CYB561D1: variants seen among roughly 807,000 people sequenced by gnomAD.
CYB561D1 encodes probable transmembrane reductase CYB561D1.
In CYB561D1, 15 loss-of-function variants were observed where a neutral mutation model predicts 19.2. The ratio of observed to expected loss-of-function variants is 0.78; its 90% CI spans 0.52 to 1.20. The LOEUF is 1.20. Ranked by LOEUF, CYB561D1 falls within the 50% of genes most tolerant of loss-of-function variation. The pLI, the probability that CYB561D1 is intolerant of heterozygous loss-of-function variation, is 0.00. For synonymous variants in CYB561D1, 133 were observed against 120.6 expected (o/e 1.10, Z -0.68); for missense variants, 297 against 287.3 (o/e 1.03, Z -0.24).
Position 109,495,175 on chromosome 1 carries a change from T to G in CYB561D1, c.181T>G (p.Leu61Val), listed in dbSNP as rs1571107490. The G allele has an allele frequency of 1.2e-6, 2 of 1,614,242 alleles. No homozygotes were observed. Among genetic ancestry groups the G allele is most frequent in the Non-Finnish European group, 1.7e-6 (2 of 1,180,036 alleles). The change falls in exon 2 of 3, where the codon TTG becomes GTG. Residue 61 changes from leucine to valine, a missense_variant. Transcript: ENST00000420578. The stretch of plus-strand genomic sequence containing the variant: ...CTCCTGGCACCCTGTATTCATGGCC[T>G]TGGCGGTGAGTTTAGGCTTCTATCT... ...LFSWHPVFMALAFCLCMAEAI... is the reference protein window; with the variant it reads ...LFSWHPVFMAVAFCLCMAEAI...
chr1:109,495,087 C>T (rs45448998), intron 1 of CYB561D1, 56 bp from the exon 2 acceptor site: 75,775 of 1,595,904 alleles, frequency 0.047, 2,028 homozygotes, highest in Middle Eastern at 0.073. Flanking sequence ...TTCCACCTAG[C>T]TACAGGGGCA....
intron 1 of CYB561D1, 137 bp downstream of exon 1, chr1:109,494,424 C>T: frequency 1.3e-6 from 2 of 1,543,004 alleles, no homozygotes; most frequent in Non-Finnish European, 1.7e-6. Context: ...ATTTTGAGGG[C>T]CTGGTGGGGC....
intron 2 of CYB561D1, 161 bp from the exon 3 acceptor site, chr1:109,495,595 C>T (rs1011921398): frequency 2.8e-5 from 40 of 1,421,438 alleles, no homozygotes; most frequent in Admixed American, 9.2e-5. Context: ...TGCTGATTCC[C>T]AAATGTTCCC....
rs1328997549 is a variant in CYB561D1 at position 109,496,114 on chromosome 1, T to A, written c.545T>A (p.Leu182His). The A allele has an allele frequency of 2.5e-6, 4 of 1,614,126 alleles. No individual in the cohort carries two copies. The East Asian group carries it at 8.9e-5, about 36-fold the overall frequency. ...TACCTGATGGCTACAGTAACGGTGCTTCTGGGCATGTACTCAGTATGGTTC... is the reference window on the plus strand; with the variant it reads ...TACCTGATGGCTACAGTAACGGTGCATCTGGGCATGTACTCAGTATGGTTC... ...VVYLMATVTV[L>H]LGMYSVWFQA... is the part of the protein sequence containing the mutation. Residue 182 changes from leucine to histidine, a missense_variant, in exon 3 of 3, where the codon CTT becomes CAT. Coordinates refer to ENST00000420578, the MANE Select transcript of CYB561D1 (RefSeq NM_182580.3).
chr1:109,494,721 C>A, intron 1 of CYB561D1: 1 of 572,828 alleles, frequency 1.7e-6, no homozygotes, highest in Non-Finnish European at 2.7e-6. Context: ...CCTGTAGTTC[C>A]AGCTACTTGG....
rs115685990 is a variant in CYB561D1 at position 109,496,461 on chromosome 1, G to A, written c.*202G>A. The A allele has an allele frequency of 1.9e-3, 956 of 498,266 alleles. 4 individuals carry two copies. Among genetic ancestry groups the A allele is most frequent in the Non-Finnish European group, 1.8e-3 (522 of 295,548 alleles). 30.9% of individuals were successfully genotyped at this position (498,266 alleles called of 1,614,324 possible). A position where few individuals can be genotyped will look rare whatever the true frequency, so the allele number is the denominator to read the frequency against. On this transcript the variant is annotated 3_prime_UTR_variant, in exon 3 of 3. Coordinates refer to ENST00000420578, the MANE Select transcript of CYB561D1 (RefSeq NM_182580.3). The stretch of plus-strand genomic sequence containing the variant: ...GAGATGTACTGGGTATGAGTGGAAG[G>A]TGATGGAGAGCCTGATCCTGAAGCC...
In CYB561D1 at chr1:109,496,201, T is replaced by G. The variant is rs1657554135; in HGVS notation, c.632T>G (p.Leu211Arg). The G allele has an allele frequency of 6.3e-7, 1 of 1,586,158 alleles. No homozygotes were observed. ...CTGGCACTGCCCGTCTATCCAGCCC[T>G]GGTGATCATGCACCAGATTTCCAGA... Reference protein sequence around the residue: ...LCLALPVYPALVIMHQISRSY... With the variant: ...LCLALPVYPARVIMHQISRSY... Residue 211 changes from leucine to arginine, a missense_variant, in exon 3 of 3, where the codon CTG (leucine) becomes CGG (arginine). Coordinates refer to ENST00000420578, the MANE Select transcript of CYB561D1 (RefSeq NM_182580.3).
chr1:109,495,017 G>A, intron 1 of CYB561D1, 126 bp from the exon 2 acceptor site: 2 of 1,171,218 alleles, frequency 1.7e-6, no homozygotes, highest in Non-Finnish European at 2.5e-6. Flanking sequence ...TTTGTCCTTA[G>A]TTCCTGTGCC....
intron 1 of CYB561D1, among the ~76,000 whole-genome samples, chr1:109,494,869 A>C (rs28676362): frequency 2.4e-5 from 3 of 123,356 alleles, no homozygotes; most frequent in African/African-American, 4.3e-5. Context: ...ACCAAAAAAA[A>C]CAAAAAACAA....
At position 109,494,498 on chromosome 1, in the gene CYB561D1, AC is replaced by A. The variant is rs763877448; in HGVS notation, c.148+212del. 1.7e-5 allele frequency: 26 copies of A among 1,539,814 alleles called. 1 individual carries two copies. The South Asian group carries it at 3.1e-4, about 19-fold the overall frequency. ...CTGTGGGGGAAGGGCAGACGATTGA[AC>A]AGACCGAACTACTTCCTCAGAAACA... On this transcript the variant is annotated intron_variant, in intron 1 of 2. Transcript: ENST00000420578.
At position 109,499,678 on chromosome 1, in the gene CYB561D1, TG is replaced by T. The variant is rs1389992191; in HGVS notation, c.*3422del. 2.0e-5 allele frequency: 3 copies of T among 152,328 alleles called. No homozygotes were observed. The highest frequency in any genetic ancestry group is 7.2e-5 in the African/African-American group (3 of 41,448). 9.4% of individuals were successfully genotyped at this position (152,328 alleles called of 1,614,324 possible). On this transcript the variant is annotated 3_prime_UTR_variant, in exon 3 of 3. Transcript: ENST00000420578. ...AGGTCTTGTTTTGAAAACCTCACTG[TG>T]GGAGATTCAGGCATCCTCCCTAAGC...
chr1:109,496,131 G>T lies in CYB561D1; in HGVS notation c.562G>T (p.Val188Leu). 1 of 1,614,210 alleles carries T rather than the reference G, an allele frequency of 6.2e-7. No individual in the cohort carries two copies. The highest frequency in any genetic ancestry group is 8.5e-7 in the Non-Finnish European group (1 of 1,180,010). Reference protein sequence around the residue: ...TVTVLLGMYSVWFQAQIKGAA... With the variant: ...TVTVLLGMYSLWFQAQIKGAA... ...AACGGTGCTTCTGGGCATGTACTCA[G>T]TATGGTTCCAGGCCCAGATCAAAGG... The change falls in exon 3 of 3, where the codon GTA becomes TTA. Residue 188 changes from valine to leucine, a missense_variant. Val to Leu is a conservative substitution (Grantham distance 32). Transcript: ENST00000420578.
At chr1:109,494,877 CAAA>C (rs5776979) in intron 1 of CYB561D1, among the ~76,000 whole-genome samples, 1 of 151,138 alleles carries the variant, frequency 6.6e-6, no homozygotes, top group African/African-American at 2.4e-5. Context: ...AAACAAAAAA[CAAA>C]AAAGGGGCAG....
rs751906943 is a variant in CYB561D1, at chr1:109,494,275, C to G, written c.136C>G (p.Arg46Gly). ...CACCATCTTTCTGACAGCGCTGTCC[C>G]GGCCAGGAACCAGTGAGTGTGCGGG... ...GFTIFLTALSRPGTSLFSWHP... is the reference protein window; with the variant it reads ...GFTIFLTALSGPGTSLFSWHP... The change falls in exon 1 of 3, where the codon CGG becomes GGG. Residue 46 changes from arginine to glycine, a missense_variant. Arg to Gly is a moderately radical substitution (Grantham distance 125). Coordinates refer to ENST00000420578, the MANE Select transcript of CYB561D1 (RefSeq NM_182580.3). 16 of 1,587,190 alleles carry G rather than the reference C, an allele frequency of 1.0e-5. No individual in the cohort carries two copies. Among genetic ancestry groups the G allele is most frequent in the Non-Finnish European group, 1.3e-5 (15 of 1,166,348 alleles).
Position 109,496,223 on chromosome 1 carries a change from C to T in CYB561D1, c.654C>T (p.Ser218=). Residue 218 remains serine, a synonymous_variant, in exon 3 of 3, where the codon TCC becomes TCT. Transcript: ENST00000420578. The part of the protein sequence containing the change: ...YPALVIMHQI[S]RSYLPRKKME... Reference sequence around the variant, plus strand: ...CCCTGGTGATCATGCACCAGATTTCCAGATCCTACTTGCCGAGGAAGAAAA... The same window carrying T: ...CCCTGGTGATCATGCACCAGATTTCTAGATCCTACTTGCCGAGGAAGAAAA... The T allele has an allele frequency of 1.3e-6, 2 of 1,579,050 alleles. No individual in the cohort carries two copies. The highest frequency in any genetic ancestry group is 1.7e-6 in the Non-Finnish European group (2 of 1,155,732).
chr1:109,497,487 C>G lies in CYB561D1; in HGVS notation c.*1228C>G, dbSNP rs1657634930. On this transcript the variant is annotated 3_prime_UTR_variant, in exon 3 of 3. Coordinates refer to ENST00000420578, the MANE Select transcript of CYB561D1 (RefSeq NM_182580.3). ...ACTCTCTTCCCTCCAGAGACCACCC[C>G]GCTCCTTGCTGCAGCTGAAAGTAGT... The G allele has an allele frequency of 6.6e-6, 1 of 152,346 alleles. No individual in the cohort carries two copies. The highest frequency in any genetic ancestry group is 2.4e-5 in the African/African-American group (1 of 41,422). The allele number at this position is 152,346 out of a possible 1,614,324, so 9.4% of individuals were successfully genotyped here.
In CYB561D1 at chr1:109,497,978, T is replaced by G. The variant is rs1006520443; in HGVS notation, c.*1719T>G. The stretch of plus-strand genomic sequence containing the variant: ...GGTATTGTTCCTGTCTCTTTCATTG[T>G]CCTCCCTCCTCTCAAACTCTCCAGT... On this transcript the variant is annotated 3_prime_UTR_variant, in exon 3 of 3. Transcript: ENST00000420578. 7 of 152,234 alleles carry G rather than the reference T, an allele frequency of 4.6e-5. No individual in the cohort carries two copies. The East Asian group carries it at 1.3e-3, about 29-fold the overall frequency. 9.4% of individuals were successfully genotyped at this position (152,234 alleles called of 1,614,324 possible).
In CYB561D1 at chr1:109,496,180, C is replaced by T. The variant is rs1423253194; in HGVS notation, c.611C>T (p.Ala204Val). 1.2e-6 allele frequency: 2 copies of T among 1,610,320 alleles called. No homozygotes were observed. Among genetic ancestry groups the T allele is most frequent in the South Asian group, 2.2e-5 (2 of 90,976 alleles). ...GGTGCGGCCTGGTACCTGTGCCTGG[C>T]ACTGCCCGTCTATCCAGCCCTGGTG... ...IKGAAWYLCL[A>V]LPVYPALVIM... The change falls in exon 3 of 3, where the codon GCA becomes GTA. Residue 204 changes from alanine (A) to valine (V), a missense_variant. Physicochemically the swap from Ala to Val is moderately conservative, Grantham distance 64. Coordinates refer to ENST00000420578, the MANE Select transcript of CYB561D1 (RefSeq NM_182580.3).
In CYB561D1 at chr1:109,499,697, C is replaced by T. The variant is rs1421622489; in HGVS notation, c.*3438C>T. 6.6e-6 allele frequency: 1 copy of T among 152,264 alleles called. No individual in the cohort carries two copies. Among genetic ancestry groups the T allele is most frequent in the Non-Finnish European group, 1.5e-5 (1 of 68,100 alleles). 9.4% of individuals were successfully genotyped at this position (152,264 alleles called of 1,614,324 possible). A position where few individuals can be genotyped will look rare whatever the true frequency, so the allele number is the denominator to read the frequency against. On this transcript the variant is annotated 3_prime_UTR_variant, in exon 3 of 3. Coordinates refer to ENST00000420578, the MANE Select transcript of CYB561D1 (RefSeq NM_182580.3). ...TCACTGTGGGAGATTCAGGCATCCT[C>T]CCTAAGCCAGCTGGCCGCTGTGCTA...
Sources: gnomAD v4.1 joint callset for allele counts (sites outside exome capture counted in the v4.1 genomes callset) on GRCh38, gnomAD v4.1.1 for gene constraint, MANE v1.5 for transcripts, NCBI Gene and HGNC (gene_info 2026-07-23, HGNC 2026-07-21) for gene names.